ADAM22: variants seen among roughly 807,000 people sequenced by gnomAD.
ADAM22 encodes the protein disintegrin and metalloproteinase domain-containing protein 22.
A neutral mutation model predicts 144.6 loss-of-function variants in ADAM22; 65 were observed. The observed-to-expected ratio is 0.45, with a 90% confidence interval of 0.37 to 0.55. The LOEUF is 0.55. Among genes scored for constraint, ADAM22 ranks in the 20% least tolerant of loss-of-function variants. ADAM22 has a pLI of 0.00. For missense variants in ADAM22, 974 were observed against 1,184.9 expected (o/e 0.82, Z 2.61); for synonymous variants, 391 against 412.6 (o/e 0.95, Z 0.63).
At chr7:88,003,510 A>G (rs181161593) in intron 3 of ADAM22, among the ~76,000 whole-genome samples, 1 of 152,176 alleles carries the variant, frequency 6.6e-6, no homozygotes. Flanking sequence ...CCCAAATTTG[A>G]TGTATCCTGA....
intron 3 of ADAM22, among the ~76,000 whole-genome samples, chr7:87,988,926 G>A (rs1789104794): frequency 6.6e-6 from 1 of 151,948 alleles, no homozygotes; most frequent in African/African-American, 2.4e-5. Context: ...AAGAGAAATT[G>A]TAGTTGCAGG....
intron 22 of ADAM22, among the ~76,000 whole-genome samples, chr7:88,159,062 C>T (rs928884670): frequency 1.3e-5 from 2 of 151,840 alleles, no homozygotes; most frequent in African/African-American, 4.8e-5. Context: ...TCAGAAACGA[C>T]AAAGGGGATG....
At chr7:87,948,074 A>G (rs1438002464) in intron 2 of ADAM22, among the ~76,000 whole-genome samples, 4 of 152,062 alleles carry the variant, frequency 2.6e-5, no homozygotes, top group South Asian at 2.1e-4. Flanking sequence ...TCATCCCTCA[A>G]TATAGGCTCT....
intron 2 of ADAM22, among the ~76,000 whole-genome samples, chr7:87,955,136 G>C (rs547252858): frequency 3.8e-4 from 58 of 152,298 alleles, no homozygotes; most frequent in Non-Finnish European, 7.3e-4. Flanking sequence ...CTCTCAACTC[G>C]TCAAAGTCAT....
In ADAM22 at chr7:87,978,332, G is replaced by T; in HGVS notation, c.247-4G>T. On this transcript the variant is annotated splice_polypyrimidine_tract_variant and splice_region_variant and intron_variant, in intron 2 of 31. Coordinates refer to ENST00000413139, the MANE Select transcript of ADAM22 (RefSeq NM_001324418.2). The stretch of plus-strand genomic sequence containing the variant: ...AATAACCTTTTTTCTTTTTGATATT[G>T]TAGTTGACTCATGTTGACCAAGCAA... 1.2e-6 allele frequency: 2 copies of T among 1,610,920 alleles called. No individual in the cohort carries two copies. Among genetic ancestry groups the T allele is most frequent in the East Asian group, 4.5e-5 (2 of 44,790 alleles).
chr7:88,022,584 G>A (rs2129467009), intron 3 of ADAM22, among the ~76,000 whole-genome samples: 1 of 152,264 alleles, frequency 6.6e-6, no homozygotes, highest in Non-Finnish European at 1.5e-5. Flanking sequence ...TTTTTCTAGA[G>A]AAAATTGTCT....
chr7:87,983,668 G>A (rs1305341359), intron 3 of ADAM22, among the ~76,000 whole-genome samples: 2 of 151,754 alleles, frequency 1.3e-5, no homozygotes, highest in Non-Finnish European at 2.9e-5. Flanking sequence ...TTTTCTAGAA[G>A]TTTCTGAACT....
intron 3 of ADAM22, among the ~76,000 whole-genome samples, chr7:88,034,450 C>T (rs1801026840): frequency 6.6e-6 from 1 of 152,168 alleles, no homozygotes; most frequent in South Asian, 2.1e-4. Flanking sequence ...CCTGTCCTCT[C>T]TTGAAGCAGA....
In ADAM22 at chr7:88,199,763, T is replaced by G. The variant is rs1238370829; in HGVS notation, c.*3272T>G. The G allele has an allele frequency of 3.3e-5, 5 of 152,250 alleles. No individual in the cohort carries two copies. Among genetic ancestry groups the G allele is most frequent in the Admixed American group, 6.5e-5 (1 of 15,286 alleles). 9.4% of individuals were successfully genotyped at this position (152,250 alleles called of 1,614,324 possible). On this transcript the variant is annotated 3_prime_UTR_variant, in exon 32 of 32. Coordinates refer to ENST00000413139, the MANE Select transcript of ADAM22 (RefSeq NM_001324418.2). Reference sequence around the variant, plus strand: ...GCAAATGTGGGTTTAAAATGCCAACTTATTTTTCACTTTGATATTGGTGCT... The same window carrying G: ...GCAAATGTGGGTTTAAAATGCCAACGTATTTTTCACTTTGATATTGGTGCT...
intron 14 of ADAM22, among the ~76,000 whole-genome samples, chr7:88,140,776 C>T (rs1834379803): frequency 6.6e-6 from 1 of 151,998 alleles, no homozygotes. Context: ...GTCCAGGCTG[C>T]AGTGAGTGGA....
chr7:87,939,991 G>A (rs548216441), intron 2 of ADAM22, among the ~76,000 whole-genome samples: 10 of 151,756 alleles, frequency 6.6e-5, no homozygotes, highest in Non-Finnish European at 1.3e-4. Flanking sequence ...GTCAGGATTC[G>A]AGACCAGCCT....
intron 21 of ADAM22, among the ~76,000 whole-genome samples, chr7:88,155,517 G>A (rs1839687861): frequency 1.4e-5 from 2 of 143,400 alleles, no homozygotes; most frequent in South Asian, 4.4e-4. Context: ...GTAAGACCCT[G>A]ACTCTAAGAA....
At chr7:88,142,316 A>G (rs1233670216) in intron 14 of ADAM22, among the ~76,000 whole-genome samples, 2 of 152,202 alleles carry the variant, frequency 1.3e-5, no homozygotes, top group African/African-American at 2.4e-5. Flanking sequence ...AGCTTCTTTC[A>G]GTCTGGAACA....
intron 4 of ADAM22, among the ~76,000 whole-genome samples, chr7:88,087,995 C>T (rs1401638587): frequency 2.6e-5 from 4 of 151,936 alleles, no homozygotes; most frequent in African/African-American, 7.3e-5. Context: ...CAAAGGAGTG[C>T]GGGCCACCAT....
At position 88,113,710 on chromosome 7, in the gene ADAM22, A is replaced by G. The variant is rs1221108416; in HGVS notation, c.474-874A>G. On this transcript the variant is annotated intron_variant, in intron 5 of 31. Transcript: ENST00000413139. Reference sequence around the variant, plus strand: ...ATTATAAATAAATAAATAAATATATATATATATATATATATATATATATAT... The same window carrying G: ...ATTATAAATAAATAAATAAATATATGTATATATATATATATATATATATAT... Among the ~76,000 whole-genome samples, 136 of 101,452 alleles carry G rather than the reference A, an allele frequency of 1.3e-3. 4 individuals carry two copies. Among genetic ancestry groups the G allele is most frequent in the African/African-American group, 4.9e-3 (114 of 23,056 alleles). The allele number at this position is 101,452 out of a possible 152,430, so 66.6% of individuals were successfully genotyped here.
intron 2 of ADAM22, among the ~76,000 whole-genome samples, chr7:87,938,204 T>C (rs543923114): frequency 1.6e-4 from 23 of 140,424 alleles, no homozygotes; most frequent in African/African-American, 6.2e-4. Flanking sequence ...TAGATACCCA[T>C]AGATTTTTTT....
chr7:88,108,027 G>C lies in ADAM22; in HGVS notation c.391-149G>C. The C allele has an allele frequency of 1.8e-5, 11 of 601,970 alleles. No homozygotes were observed. In the South Asian group the frequency reaches 2.7e-4, roughly 15 times the overall value. The allele number at this position is 601,970 out of a possible 1,614,324, so 37.3% of individuals were successfully genotyped here. A position where few individuals can be genotyped will look rare whatever the true frequency, so the allele number is the denominator to read the frequency against. On this transcript the variant is annotated intron_variant, in intron 4 of 31. Transcript: ENST00000413139. ...AGAGTGTTTATGAATAATTCTGTTA[G>C]AAAAGATTTGATAATGCTAATCTGA...
chr7:88,003,856 A>G (rs1205894914), intron 3 of ADAM22, among the ~76,000 whole-genome samples: 1 of 152,200 alleles, frequency 6.6e-6, no homozygotes, highest in Non-Finnish European at 1.5e-5. Flanking sequence ...ATAGACGAAC[A>G]TATGGAACCA....
intron 3 of ADAM22, among the ~76,000 whole-genome samples, chr7:88,031,625 G>A (rs1800282417): frequency 6.6e-6 from 1 of 152,218 alleles, no homozygotes; most frequent in African/African-American, 2.4e-5. Flanking sequence ...TACCATGTAT[G>A]CTCAGATGTG....
Sources: gnomAD v4.1 joint callset for allele counts (sites outside exome capture counted in the v4.1 genomes callset) on GRCh38, gnomAD v4.1.1 for gene constraint, MANE v1.5 for transcripts, NCBI Gene and HGNC (gene_info 2026-07-23, HGNC 2026-07-21) for gene names.